The following ZFHX3 variants were observed in gnomAD, a reference collection of about 807,000 sequenced individuals.
ZFHX3 encodes zinc finger homeobox protein 3.
In ZFHX3, 42 loss-of-function variants were observed where a neutral mutation model predicts 279.1. The ratio of observed to expected loss-of-function variants is 0.15; its 90% CI spans 0.12 to 0.19. ZFHX3 has a LOEUF of 0.19. Ranked by LOEUF, ZFHX3 falls within the 10% of genes least tolerant of loss-of-function variation. The pLI is 1.00. For synonymous variants in ZFHX3, 2,293 were observed against 1,957.8 expected (o/e 1.17, Z -4.52); for missense variants, 4,981 against 4,754.0 (o/e 1.05, Z -1.40).
chr16:73,806,914 G>A (rs940271119), intron 1 of ZFHX3, among the ~76,000 whole-genome samples: 1 of 152,114 alleles, frequency 6.6e-6, no homozygotes, highest in African/African-American at 2.4e-5. Context: ...GCAGATCTGA[G>A]GCTAACTCAA....
At chr16:73,000,188 G>A (rs758807210) in intron 1 of ZFHX3, among the ~76,000 whole-genome samples, 2 of 152,150 alleles carry the variant, frequency 1.3e-5, no homozygotes, top group Non-Finnish European at 2.9e-5. Flanking sequence ...CACCAGGCTC[G>A]GCATCCTCCC....
At chr16:73,624,713 G>T (rs2052399375) in intron 2 of ZFHX3, among the ~76,000 whole-genome samples, 1 of 152,060 alleles carries the variant, frequency 6.6e-6, no homozygotes, top group African/African-American at 2.4e-5. Context: ...TCAAATGTGT[G>T]AGCTTAATAC....
intron 5 of ZFHX3, among the ~76,000 whole-genome samples, chr16:73,244,221 T>C (rs2013213286): frequency 6.6e-6 from 1 of 152,196 alleles, no homozygotes; most frequent in Non-Finnish European, 1.5e-5. Context: ...TGAAGGATTC[T>C]AGAAGAGTAT....
intron 1 of ZFHX3, among the ~76,000 whole-genome samples, chr16:72,966,186 C>CA (rs751567487): frequency 5.3e-5 from 8 of 152,104 alleles, no homozygotes; most frequent in Non-Finnish European, 5.9e-5. Context: ...CAAGACCATG[C>CA]AGGCATGTCC....
intron 2 of ZFHX3, among the ~76,000 whole-genome samples, chr16:73,488,762 A>G (rs902914972): frequency 4.6e-5 from 7 of 152,176 alleles, no homozygotes; most frequent in African/African-American, 1.7e-4. Flanking sequence ...TCATGACCCC[A>G]TTGCTATTGA....
chr16:73,192,947 A>G (rs1474166130), intron 5 of ZFHX3, among the ~76,000 whole-genome samples: 1 of 152,144 alleles, frequency 6.6e-6, no homozygotes, highest in African/African-American at 2.4e-5. Context: ...GCTAAGCCTC[A>G]GTTTCCCTGT....
At position 73,803,838 on chromosome 16, in the gene ZFHX3, GATA is replaced by G. The variant is rs373263928; in HGVS notation, c.-1608+87810_-1608+87812del. 6.4e-4 allele frequency among the ~76,000 whole-genome samples: 98 copies of G among 152,256 alleles called. No individual in the cohort carries two copies. In the East Asian group the frequency reaches 0.015, roughly 23 times the overall value. On this transcript the variant is annotated intron_variant, in intron 1 of 17. Coordinates refer to the ZFHX3 transcript ENST00000641206. The stretch of plus-strand genomic sequence containing the variant: ...TTCTGCGTGTGTGTCTGTGAACAAA[GATA>G]ATGATACAGAAAGATATCCATCAAA...
At chr16:72,992,081 C>T (rs1963115315) in intron 1 of ZFHX3, among the ~76,000 whole-genome samples, 1 of 152,228 alleles carries the variant, frequency 6.6e-6, no homozygotes, top group South Asian at 2.1e-4. Context: ...CTCTCAGAGG[C>T]TGTCGCCGAA....
At chr16:73,242,622 C>T (rs774286823) in intron 5 of ZFHX3, among the ~76,000 whole-genome samples, 4 of 152,214 alleles carry the variant, frequency 2.6e-5, no homozygotes, top group Non-Finnish European at 5.9e-5. Flanking sequence ...CTTCAGTTCT[C>T]TGTAGCAATT....
chr16:73,753,986 A>ATGTGTATGTGTGTGTGTGTGTGTG (rs1555499746), intron 1 of ZFHX3, among the ~76,000 whole-genome samples: 1 of 147,324 alleles, frequency 6.8e-6, no homozygotes, highest in African/African-American at 2.5e-5. Flanking sequence ...GTAAGAATCA[A>ATGTGTATGTGTGTGTGTGTGTGTG]TGTGTGTGTG....
At chr16:73,620,388 C>A (rs182376776) in intron 2 of ZFHX3, among the ~76,000 whole-genome samples, 24 of 152,294 alleles carry the variant, frequency 1.6e-4, no homozygotes, top group Admixed American at 1.5e-3. Flanking sequence ...AAGGTTTTGA[C>A]GACATTTCCA....
Position 73,154,561 on chromosome 16 carries a change from C to G in ZFHX3, c.-1103-10730G>C, listed in dbSNP as rs1426167628. Among the ~76,000 whole-genome samples, 3 of 152,048 alleles carry G rather than the reference C, an allele frequency of 2.0e-5. No homozygotes were observed. The East Asian group carries it at 5.8e-4, about 29-fold the overall frequency. Reference sequence around the variant, plus strand: ...GGGGGTGGGCGGCTTTTCTTGCAGCCCAGGATGAAGCTCTTTCACAATCCT... The same window carrying G: ...GGGGGTGGGCGGCTTTTCTTGCAGCGCAGGATGAAGCTCTTTCACAATCCT... On this transcript the variant is annotated intron_variant, in intron 5 of 17. Transcript: ENST00000641206.
chr16:73,813,529 C>G (rs1249407919), intron 1 of ZFHX3, among the ~76,000 whole-genome samples: 2 of 152,162 alleles, frequency 1.3e-5, no homozygotes, highest in African/African-American at 4.8e-5. Flanking sequence ...AAATGTGACT[C>G]ATGCAGTCTG....
intron 5 of ZFHX3, among the ~76,000 whole-genome samples, chr16:73,165,312 C>T (rs866102661): frequency 5.3e-5 from 8 of 152,118 alleles, no homozygotes; most frequent in Non-Finnish European, 1.0e-4. Flanking sequence ...GAGGCTCAAG[C>T]GCAGAAAATG....
chr16:72,951,244 C>T (rs1314971761), intron 2 of ZFHX3, among the ~76,000 whole-genome samples: 1 of 152,110 alleles, frequency 6.6e-6, no homozygotes, highest in African/African-American at 2.4e-5. Flanking sequence ...GGAGCCATAG[C>T]CTCTTTAATA....
intron 1 of ZFHX3, among the ~76,000 whole-genome samples, chr16:73,839,970 C>G (rs956938021): frequency 6.6e-6 from 1 of 152,230 alleles, no homozygotes; most frequent in Non-Finnish European, 1.5e-5. Flanking sequence ...CTGGACCCAT[C>G]CTCTGTGTCC....
intron 2 of ZFHX3, among the ~76,000 whole-genome samples, chr16:73,478,322 G>A (rs555927223): frequency 6.6e-6 from 1 of 150,616 alleles, no homozygotes; most frequent in Non-Finnish European, 1.5e-5. Flanking sequence ...TGACATGCCT[G>A]AACAGGGACT....
intron 1 of ZFHX3, among the ~76,000 whole-genome samples, chr16:73,701,427 C>G (rs1475976514): frequency 6.6e-6 from 1 of 152,116 alleles, no homozygotes; most frequent in Non-Finnish European, 1.5e-5. Flanking sequence ...ATGTTTTACC[C>G]TCAAAAGAAA....
At chr16:73,346,558 A>G (rs1368436141) in intron 3 of ZFHX3, among the ~76,000 whole-genome samples, 1 of 150,680 alleles carries the variant, frequency 6.6e-6, no homozygotes, top group Non-Finnish European at 1.5e-5. Context: ...TGCAACCTCC[A>G]CCTCCCCGGT....
Sources: allele counts gnomAD v4.1 joint callset (sites outside exome capture counted in the v4.1 genomes callset), GRCh38; gene constraint gnomAD v4.1.1; transcripts MANE v1.5; gene names NCBI Gene and HGNC (gene_info 2026-07-23, HGNC 2026-07-21).